The following CDH9 variants were observed in gnomAD, a reference collection of about 807,000 sequenced individuals.
CDH9 encodes the protein cadherin 9.
A neutral mutation model predicts 70.9 loss-of-function variants in CDH9; 28 were observed. The observed-to-expected ratio is 0.40, with a 90% CI of 0.29 to 0.54. The LOEUF (loss-of-function observed/expected upper bound fraction) is 0.54, where lower values mean the gene tolerates loss of function less well. CDH9 is among the 20% of genes least tolerant of loss of function. CDH9 has a pLI of 0.59. For synonymous variants in CDH9, 409 were observed against 343.1 expected (o/e 1.19, Z -2.12); for missense variants, 874 against 984.4 (o/e 0.89, Z 1.50).
At chr5:26,980,258 T>C (rs903804356) in intron 2 of CDH9, among the ~76,000 whole-genome samples, 3 of 151,940 alleles carry the variant, frequency 2.0e-5, no homozygotes, top group African/African-American at 7.2e-5. Flanking sequence ...AGGCATCTTC[T>C]TAGATTTGCC....
intron 9 of CDH9, among the ~76,000 whole-genome samples, chr5:26,888,500 AT>A (rs749710847): frequency 3.3e-5 from 5 of 152,112 alleles, no homozygotes; most frequent in Non-Finnish European, 7.4e-5. Flanking sequence ...CAAAAAAATC[AT>A]TTACTAAACT....
chr5:26,987,263 C>T (rs893639448), intron 2 of CDH9, among the ~76,000 whole-genome samples: 6 of 151,322 alleles, frequency 4.0e-5, no homozygotes, highest in African/African-American at 9.7e-5. Flanking sequence ...TAAAATTGTT[C>T]GTTTTGTTGT....
At chr5:26,883,056 T>G (rs867419207) in intron 11 of CDH9, among the ~76,000 whole-genome samples, 6,819 of 92,764 alleles carry the variant, frequency 0.074, 720 homozygotes, top group Middle Eastern at 0.18. Context: ...TATATATATA[T>G]ATATATATAT....
At position 26,910,383 on chromosome 5, in the gene CDH9, G is replaced by A. The variant is rs146254707; in HGVS notation, c.524-3545C>T. Among the ~76,000 whole-genome samples the A allele has an allele frequency of 2.3e-3, 350 of 152,164 alleles. 1 individual carries two copies. Among genetic ancestry groups the A allele is most frequent in the African/African-American group, 7.9e-3 (328 of 41,502 alleles). On this transcript the variant is annotated intron_variant, in intron 3 of 11. Coordinates refer to ENST00000231021, the MANE Select transcript of CDH9 (RefSeq NM_016279.4). ...CTACACACAGATAGTATAGAGAAGG[G>A]GAAATACTGCCTTTATTCTTCTTTA...
intron 3 of CDH9, among the ~76,000 whole-genome samples, chr5:26,909,229 C>T (rs546298283): frequency 3.2e-3 from 480 of 152,168 alleles, no homozygotes; most frequent in Non-Finnish European, 5.6e-3. Flanking sequence ...CATGATCGCC[C>T]GCCTTGGCCT....
At chr5:26,978,366 A>G (rs1476999366) in intron 2 of CDH9, among the ~76,000 whole-genome samples, 1 of 151,896 alleles carries the variant, frequency 6.6e-6, no homozygotes, top group Non-Finnish European at 1.5e-5. Context: ...GGAAACCCAG[A>G]ACTGAAATTA....
At chr5:26,952,312 C>T (rs1042454487) in intron 2 of CDH9, among the ~76,000 whole-genome samples, 9 of 148,808 alleles carry the variant, frequency 6.0e-5, no homozygotes, top group Non-Finnish European at 1.0e-4. Context: ...AGAGGGAGGT[C>T]CCTTAAGAGG....
At chr5:27,037,014 C>T (rs931788964) in intron 1 of CDH9, among the ~76,000 whole-genome samples, 1 of 151,946 alleles carries the variant, frequency 6.6e-6, no homozygotes, top group Admixed American at 6.6e-5. Flanking sequence ...ATGTATTTCA[C>T]AATGGACACA....
chr5:26,932,128 A>T (rs960116325), intron 2 of CDH9, among the ~76,000 whole-genome samples: 36 of 151,884 alleles, frequency 2.4e-4, no homozygotes, highest in Admixed American at 1.1e-3. Flanking sequence ...TTTGAATATC[A>T]TTTTTTTATT....
Position 26,988,363 on chromosome 5 carries a change from C to T in CDH9, c.-30G>A, listed in dbSNP as rs775567794. 6.3e-6 allele frequency: 10 copies of T among 1,597,536 alleles called. No individual in the cohort carries two copies. On this transcript the variant is annotated 5_prime_UTR_variant, in exon 2 of 12. Coordinates refer to ENST00000231021, the MANE Select transcript of CDH9 (RefSeq NM_016279.4). ...TGCAACTTCAGTGGGTTGTCAAATT[C>T]AATGTATTGTTTGTTTTTCCTAAAG...
At chr5:26,938,985 C>T (rs561160868) in intron 2 of CDH9, among the ~76,000 whole-genome samples, 13 of 151,760 alleles carry the variant, frequency 8.6e-5, no homozygotes, top group Non-Finnish European at 1.6e-4. Flanking sequence ...ATAGTAACAA[C>T]AACAATTTAA....
chr5:26,999,378 C>G (rs1421774958), intron 1 of CDH9, among the ~76,000 whole-genome samples: 1 of 152,152 alleles, frequency 6.6e-6, no homozygotes, highest in Admixed American at 6.5e-5. Context: ...AGCAGATACT[C>G]TTATTCAATA....
At chr5:27,000,646 G>A (rs1276966880) in intron 1 of CDH9, among the ~76,000 whole-genome samples, 1 of 152,072 alleles carries the variant, frequency 6.6e-6, no homozygotes, top group Non-Finnish European at 1.5e-5. Flanking sequence ...ATGTCCACAG[G>A]AAAACTTACG....
chr5:27,019,793 GAAATA>G (rs1743106431), intron 1 of CDH9, among the ~76,000 whole-genome samples: 1 of 151,752 alleles, frequency 6.6e-6, no homozygotes, highest in Non-Finnish European at 1.5e-5. Context: ...TATATCCTTT[GAAATA>G]AAATAAGTTT....
chr5:27,004,331 G>A (rs892733225), intron 1 of CDH9, among the ~76,000 whole-genome samples: 1 of 152,016 alleles, frequency 6.6e-6, no homozygotes, highest in African/African-American at 2.4e-5. Flanking sequence ...ACAGCTGAGC[G>A]AATAAGGAGA....
At chr5:27,018,561 G>A (rs1743085021) in intron 1 of CDH9, among the ~76,000 whole-genome samples, 1 of 151,764 alleles carries the variant, frequency 6.6e-6, no homozygotes, top group African/African-American at 2.4e-5. Flanking sequence ...CTAAGTGATG[G>A]TCCTACGCTT....
chr5:26,890,664 A>T, intron 7 of CDH9, 100 bp from the exon 8 acceptor site: 1 of 798,238 alleles, frequency 1.3e-6, no homozygotes, highest in Non-Finnish European at 2.1e-6. Context: ...TCTGACAAAG[A>T]CATGAAATGC....
intron 3 of CDH9, among the ~76,000 whole-genome samples, chr5:26,907,754 C>T (rs972840800): frequency 2.6e-5 from 4 of 151,936 alleles, no homozygotes; most frequent in African/African-American, 4.8e-5. Flanking sequence ...ACTAGGTTTG[C>T]CCTTGGACAA....
chr5:26,916,309 A>G (rs1741148524), intron 2 of CDH9, among the ~76,000 whole-genome samples: 1 of 151,948 alleles, frequency 6.6e-6, no homozygotes, highest in Admixed American at 6.6e-5. Context: ...AAGCTCTAAG[A>G]TATGATTTGA....
Sources: allele counts gnomAD v4.1 joint callset (sites outside exome capture counted in the v4.1 genomes callset), GRCh38; gene constraint gnomAD v4.1.1; transcripts MANE v1.5; gene names NCBI Gene and HGNC (gene_info 2026-07-23, HGNC 2026-07-21).